The following DYNC1LI1 variants were observed in gnomAD, a reference collection of about 807,000 sequenced individuals.
DYNC1LI1 encodes the protein dynein cytoplasmic 1 light intermediate chain 1.
Under a neutral mutation model 63.8 loss-of-function variants are expected in DYNC1LI1, and 19 were observed. The ratio of observed to expected loss-of-function variants is 0.30; its 90% confidence interval spans 0.21 to 0.44. The LOEUF (loss-of-function observed/expected upper bound fraction) is 0.44, where lower values mean the gene tolerates loss of function less well. Ranked by LOEUF, DYNC1LI1 falls within the 20% of genes least tolerant of loss-of-function variation. The probability of loss-of-function intolerance (pLI) is 1.00; values close to 1 mark genes in which losing one functional copy is unlikely to be tolerated. For missense variants in DYNC1LI1, 565 were observed against 630.2 expected, an observed-to-expected ratio of 0.90 and a Z score of 1.11; for synonymous variants, 225 against 232.3, an observed-to-expected ratio of 0.97 and a Z score of 0.28.
In DYNC1LI1 at chr3:32,566,889, T is replaced by A. The variant is rs1692321829; in HGVS notation, c.220+3457A>T. Among the ~76,000 whole-genome samples, 5 of 152,242 alleles carry A rather than the reference T, an allele frequency of 3.3e-5. No homozygotes were observed. The South Asian group carries it at 1.0e-3, about 32-fold the overall frequency. Reference sequence around the variant, plus strand: ...AAATACATGTGCAAGAAGTCCTACCTTTATTAAAAACAAATCTTAATGAAA... The same window carrying A: ...AAATACATGTGCAAGAAGTCCTACCATTATTAAAAACAAATCTTAATGAAA... On this transcript the variant is annotated intron_variant, in intron 2 of 12. Transcript: ENST00000273130.
At position 32,526,774 on chromosome 3, in the gene DYNC1LI1, G is replaced by C. The variant is rs756804676; in HGVS notation, c.*25C>G. ...CATGTTTACATTATCCCAGAAAACA[G>C]AATAAATGGCTTTATTTGGTATCTT... On this transcript the variant is annotated 3_prime_UTR_variant, in exon 13 of 13. Transcript: ENST00000273130. 2.0e-6 allele frequency: 3 copies of C among 1,514,096 alleles called. No homozygotes were observed. The highest frequency in any genetic ancestry group is 2.7e-6 in the Non-Finnish European group (3 of 1,091,340). The allele number at this position is 1,514,096 out of a possible 1,614,324, so 93.8% of individuals were successfully genotyped here.
At chr3:32,558,705 T>A (rs1698149756) in intron 2 of DYNC1LI1, among the ~76,000 whole-genome samples, 1 of 151,690 alleles carries the variant, frequency 6.6e-6, no homozygotes, top group Non-Finnish European at 1.5e-5. Context: ...ATTAGCCGGG[T>A]GTGGTGGTGC....
chr3:32,565,449 C>T (rs1698245528), intron 2 of DYNC1LI1, among the ~76,000 whole-genome samples: 1 of 152,168 alleles, frequency 6.6e-6, no homozygotes, highest in Non-Finnish European at 1.5e-5. Context: ...TTCAATTAAT[C>T]TAAATAAGTG....
rs559209576 is a variant in DYNC1LI1, at chr3:32,544,563, T to C, written c.568+313A>G. On this transcript the variant is annotated intron_variant, in intron 4 of 12. Transcript: ENST00000273130. The stretch of plus-strand genomic sequence containing the variant: ...GTGGGGTGGATCATGAGGTCAGGAG[T>C]GCGAGACCAGCCTGGCCAATATGGT... 1.6e-4 allele frequency among the ~76,000 whole-genome samples: 25 copies of C among 151,732 alleles called. 1 individual carries two copies. In the South Asian group the frequency reaches 4.6e-3, roughly 28 times the overall value.
rs530856092 is a variant in DYNC1LI1 at position 32,554,804 on chromosome 3, C to T, written c.221-8839G>A. ...TTCTGGGAGCAAAATTTCTATCAAC[C>T]ACTCTTCCTCCTCTCTCATTTATCA... On this transcript the variant is annotated intron_variant, in intron 2 of 12. Transcript: ENST00000273130. Among the ~76,000 whole-genome samples the T allele has an allele frequency of 3.3e-5, 5 of 151,876 alleles. No homozygotes were observed. In the South Asian group the frequency reaches 1.0e-3, roughly 32 times the overall value.
intron 9 of DYNC1LI1, 57 bp downstream of exon 9, chr3:32,530,400 TACAC>T (rs1697679602): frequency 6.3e-7 from 1 of 1,590,574 alleles, no homozygotes; most frequent in Non-Finnish European, 8.6e-7. Context: ...TTAAAGAAAA[TACAC>T]ACAAGAACAG....
At chr3:32,538,046 T>TAATTTATATATATAATATATATATATA (rs1697820650) in intron 5 of DYNC1LI1, among the ~76,000 whole-genome samples, 2 of 5,200 alleles carry the variant, frequency 3.8e-4, no homozygotes, top group South Asian at 0.014. Context: ...TATATATATA[T>TAATTTATATATATAATATATATATATA]AATTATATAT....
intron 2 of DYNC1LI1, among the ~76,000 whole-genome samples, chr3:32,557,557 AT>A (rs1371116549): frequency 6.6e-6 from 1 of 151,952 alleles, no homozygotes; most frequent in African/African-American, 2.4e-5. Context: ...AAATAAAAAA[AT>A]AAATAAATAG....
At chr3:32,551,335 T>C (rs9879010) in intron 2 of DYNC1LI1, among the ~76,000 whole-genome samples, 4,793 of 152,066 alleles carry the variant, frequency 0.032, 258 homozygotes, top group African/African-American at 0.11. Flanking sequence ...AAAAAGCACA[T>C]ACAGAGACCC....
At chr3:32,537,874 T>C (rs1174456163) in intron 5 of DYNC1LI1, among the ~76,000 whole-genome samples, 1 of 88,544 alleles carries the variant, frequency 1.1e-5, no homozygotes, top group South Asian at 3.0e-4. Flanking sequence ...TTTTGTTACA[T>C]ATATATATAT....
intron 2 of DYNC1LI1, among the ~76,000 whole-genome samples, chr3:32,549,264 G>C (rs1697999846): frequency 6.7e-6 from 1 of 150,202 alleles, no homozygotes; most frequent in Non-Finnish European, 1.5e-5. Context: ...GGAGTTATTT[G>C]GGAACTATAA....
At chr3:32,538,067 TTA>T (rs1312593963) in intron 5 of DYNC1LI1, among the ~76,000 whole-genome samples, 1,015 of 68,860 alleles carry the variant, frequency 0.015, 141 homozygotes, top group Non-Finnish European at 0.021. Flanking sequence ...ATATAATTTA[TTA>T]TATATATATA....
intron 2 of DYNC1LI1, among the ~76,000 whole-genome samples, chr3:32,561,002 CAAAAAAAAAAAA>C (rs59037467): frequency 8.8e-4 from 23 of 26,118 alleles, no homozygotes; most frequent in East Asian, 7.4e-4. Flanking sequence ...AACTCCGTCT[CAAAAAAAAAAAA>C]AAAAAAAAAA....
At position 32,534,531 on chromosome 3, in the gene DYNC1LI1, CACA is replaced by C. The variant is rs1697749082; in HGVS notation, c.945_947del (p.Val316del). On this transcript the variant is annotated inframe_deletion, in exon 7 of 13. Transcript: ENST00000273130. ...CTTACATAAATACTGCATCCTTTTCCACAACAACAGCAGGAATCTTATAGGGAA... is the reference window on the plus strand; with the variant it reads ...CTTACATAAATACTGCATCCTTTTCCACAACAGCAGGAATCTTATAGGGAA... 4.4e-6 allele frequency: 7 copies of C among 1,589,764 alleles called. No homozygotes were observed. Among genetic ancestry groups the C allele is most frequent in the Non-Finnish European group, 6.0e-6 (7 of 1,163,458 alleles).
intron 2 of DYNC1LI1, among the ~76,000 whole-genome samples, chr3:32,549,243 T>A (rs1697999385): frequency 6.6e-6 from 1 of 151,426 alleles, no homozygotes. Flanking sequence ...TAATTTATAA[T>A]TTTGGGGTTT....
At position 32,526,918 on chromosome 3, in the gene DYNC1LI1, A is replaced by C; in HGVS notation, c.1463-10T>G. On this transcript the variant is annotated splice_polypyrimidine_tract_variant and intron_variant, in intron 12 of 12. Coordinates refer to ENST00000273130, the MANE Select transcript of DYNC1LI1 (RefSeq NM_016141.4). ...AAGACAGGCTTCTGGCCTACATTGA[A>C]GAAAAAGAAAAAAAACAAGATTTAG... 1 of 1,577,730 alleles carries C rather than the reference A, an allele frequency of 6.3e-7. No homozygotes were observed. Among genetic ancestry groups the C allele is most frequent in the East Asian group, 2.2e-5 (1 of 44,696 alleles).
At position 32,537,119 on chromosome 3, in the gene DYNC1LI1, T is replaced by G; in HGVS notation, c.739-15A>C. 1.5e-6 allele frequency: 2 copies of G among 1,310,782 alleles called. No individual in the cohort carries two copies. The highest frequency in any genetic ancestry group is 1.1e-6 in the Non-Finnish European group (1 of 942,034). 81.2% of individuals were successfully genotyped at this position (1,310,782 alleles called of 1,614,324 possible). ...ATGGCATCACACTGTTAAGTTAAAATAATTAAAAATAATACATTTAAAATA... is the reference window on the plus strand; with the variant it reads ...ATGGCATCACACTGTTAAGTTAAAAGAATTAAAAATAATACATTTAAAATA... On this transcript the variant is annotated splice_polypyrimidine_tract_variant and intron_variant, in intron 5 of 12. Coordinates refer to ENST00000273130, the MANE Select transcript of DYNC1LI1 (RefSeq NM_016141.4).
chr3:32,559,771 T>C (rs537513458), intron 2 of DYNC1LI1, among the ~76,000 whole-genome samples: 1 of 152,358 alleles, frequency 6.6e-6, no homozygotes, highest in African/African-American at 2.4e-5. Context: ...CCAATTGAGA[T>C]ATCAACATTG....
chr3:32,555,313 G>A (rs1290953129), intron 2 of DYNC1LI1, among the ~76,000 whole-genome samples: 1 of 152,178 alleles, frequency 6.6e-6, no homozygotes, highest in Non-Finnish European at 1.5e-5. Flanking sequence ...CCTAAATGCA[G>A]TCTGACATGA....
Sources: gnomAD v4.1 joint callset for allele counts (sites outside exome capture counted in the v4.1 genomes callset) on GRCh38, gnomAD v4.1.1 for gene constraint, MANE v1.5 for transcripts, NCBI Gene and HGNC (gene_info 2026-07-23, HGNC 2026-07-21) for gene names.